MCUR1: variants seen among roughly 807,000 people sequenced by gnomAD.
MCUR1 encodes the protein mitochondrial calcium uniporter regulator 1, also known as MCU regulator 1.
MCUR1 carries 37 observed loss-of-function variants against 42.0 expected under a neutral mutation model. The observed-to-expected ratio is 0.88, with a 90% CI of 0.68 to 1.16. MCUR1 has a LOEUF of 1.16. Among genes scored for constraint, MCUR1 ranks in the 50% most tolerant of loss-of-function variants. The pLI, the probability that MCUR1 is intolerant of heterozygous loss-of-function variation, is 0.00. For synonymous variants in MCUR1, 229 were observed against 196.2 expected (o/e 1.17, Z -1.40); for missense variants, 469 against 468.4 (o/e 1.00, Z -0.01).
At chr6:13,798,682 AAAT>A in intron 6 of MCUR1, 148 bp downstream of exon 6, 2 of 460,798 alleles carry the variant, frequency 4.3e-6, no homozygotes, top group Non-Finnish European at 7.3e-6. Context: ...TCTTAATCCA[AAAT>A]TATTATAATA....
intron 5 of MCUR1, among the ~76,000 whole-genome samples, chr6:13,799,827 C>CTTTTTT (rs542304036): frequency 1.9e-4 from 18 of 96,198 alleles, no homozygotes; most frequent in Non-Finnish European, 2.9e-4. Flanking sequence ...ACACAATTTT[C>CTTTTTT]TTTTTTTTTT....
intron 4 of MCUR1, 149 bp from the exon 5 acceptor site, chr6:13,800,531 CG>C: frequency 1.8e-6 from 1 of 556,634 alleles, no homozygotes; most frequent in Non-Finnish European, 3.2e-6. Flanking sequence ...TTACAACACA[CG>C]TATCTTGAAA....
At chr6:13,802,536 G>A (rs1760014360) in intron 2 of MCUR1, among the ~76,000 whole-genome samples, 190 bp from the exon 3 acceptor site, 1 of 152,130 alleles carries the variant, frequency 6.6e-6, no homozygotes, top group African/African-American at 2.4e-5. Context: ...CATACAAGTT[G>A]GCTTCCCCAG....
intron 6 of MCUR1, among the ~76,000 whole-genome samples, 171 bp downstream of exon 6, chr6:13,798,662 C>A (rs1392593441): frequency 6.6e-6 from 1 of 152,048 alleles, no homozygotes; most frequent in Non-Finnish European, 1.5e-5. Context: ...TTGAAAGCAA[C>A]AAATTTAAGT....
chr6:13,813,273 A>C (rs1013964119), intron 1 of MCUR1, among the ~76,000 whole-genome samples: 3 of 152,136 alleles, frequency 2.0e-5, no homozygotes, highest in African/African-American at 7.2e-5. Flanking sequence ...ACTCTAATTA[A>C]ATGCTACCTT....
At chr6:13,793,995 C>A in intron 6 of MCUR1, 48 bp from the exon 7 acceptor site, 1 of 1,547,548 alleles carries the variant, frequency 6.5e-7, no homozygotes, top group South Asian at 1.1e-5. Context: ...ACTCCTCTCT[C>A]TTCTCCTTCT....
rs1018455283 is a variant in MCUR1 at position 13,789,383 on chromosome 6, G to A, written c.*1426C>T. 1 of 151,536 alleles carries A rather than the reference G, an allele frequency of 6.6e-6. No individual in the cohort carries two copies. The highest frequency in any genetic ancestry group is 1.5e-5 in the Non-Finnish European group (1 of 67,990). 9.4% of individuals were successfully genotyped at this position (151,536 alleles called of 1,614,324 possible). ...GACAATGCACTCCAGCCCTGCGACA[G>A]TGCGAGACTCCGTCTCAAAAAAAAA... is the stretch of plus-strand genomic sequence containing the variant. On this transcript the variant is annotated 3_prime_UTR_variant, in exon 9 of 9. Coordinates refer to ENST00000379170, the MANE Select transcript of MCUR1 (RefSeq NM_001031713.4).
At chr6:13,799,659 C>A (rs946888145) in intron 5 of MCUR1, among the ~76,000 whole-genome samples, 10 of 152,066 alleles carry the variant, frequency 6.6e-5, no homozygotes, top group African/African-American at 2.4e-4. Context: ...TCTTTAACAT[C>A]TATGTTTTTT....
At chr6:13,802,455 T>C (rs1760012249) in intron 2 of MCUR1, 109 bp from the exon 3 acceptor site, 8 of 795,906 alleles carry the variant, frequency 1.0e-5, no homozygotes, top group South Asian at 1.0e-4. Flanking sequence ...TACAGCACAG[T>C]GTGGTAGGAG....
intron 1 of MCUR1, among the ~76,000 whole-genome samples, chr6:13,811,336 G>A (rs929511558): frequency 2.6e-5 from 4 of 151,986 alleles, no homozygotes; most frequent in Non-Finnish European, 5.9e-5. Context: ...AGCAGGCTAG[G>A]AATAATTTTT....
rs1230277901 is a variant in MCUR1, at chr6:13,790,037, A to G, written c.*772T>C. 6.6e-6 allele frequency: 1 copy of G among 152,256 alleles called. No individual in the cohort carries two copies. Among genetic ancestry groups the G allele is most frequent in the Non-Finnish European group, 1.5e-5 (1 of 68,048 alleles). 9.4% of individuals were successfully genotyped at this position (152,256 alleles called of 1,614,324 possible). A position where few individuals can be genotyped will look rare whatever the true frequency, so the allele number is the denominator to read the frequency against. On this transcript the variant is annotated 3_prime_UTR_variant, in exon 9 of 9. Transcript: ENST00000379170. The stretch of plus-strand genomic sequence containing the variant: ...AACCAACTACAGCTGAAACAATACT[A>G]TGGTACAGGGACTAGCTCATGTTAA...
At chr6:13,799,838 T>C (rs1163770837) in intron 5 of MCUR1, among the ~76,000 whole-genome samples, 4 of 143,176 alleles carry the variant, frequency 2.8e-5, no homozygotes, top group Non-Finnish European at 6.0e-5. Flanking sequence ...TTTTTTTTTT[T>C]TTTTTTTTTT....
intron 4 of MCUR1, among the ~76,000 whole-genome samples, chr6:13,801,074 C>T (rs1421737235): frequency 6.6e-6 from 1 of 152,126 alleles, no homozygotes; most frequent in Non-Finnish European, 1.5e-5. Flanking sequence ...TGTTATCAGC[C>T]AGGACAGCGT....
chr6:13,792,369 G>C (rs1759750017), intron 7 of MCUR1, among the ~76,000 whole-genome samples: 1 of 152,170 alleles, frequency 6.6e-6, no homozygotes, highest in African/African-American at 2.4e-5. Context: ...AAAGGCAACG[G>C]CTACGTCTCA....
At chr6:13,794,019 T>C (rs1486888989) in intron 6 of MCUR1, 72 bp from the exon 7 acceptor site, 1 of 1,419,966 alleles carries the variant, frequency 7.0e-7, no homozygotes, top group East Asian at 2.3e-5. Context: ...GTGCCTTAAA[T>C]ATTCTGGTCT....
intron 6 of MCUR1, among the ~76,000 whole-genome samples, chr6:13,796,200 A>G (rs974487561): frequency 1.1e-4 from 16 of 152,218 alleles, no homozygotes; most frequent in African/African-American, 3.4e-4. Context: ...TACTTTTCTT[A>G]TAAGAACACT....
At position 13,814,497 on chromosome 6, in the gene MCUR1, C is replaced by A. The variant is rs1396780990; in HGVS notation, c.-68G>T. The A allele has an allele frequency of 2.5e-5, 34 of 1,377,780 alleles. No individual in the cohort carries two copies. The highest frequency in any genetic ancestry group is 3.1e-5 in the Non-Finnish European group (33 of 1,070,644). 85.3% of individuals were successfully genotyped at this position (1,377,780 alleles called of 1,614,324 possible). On this transcript the variant is annotated 5_prime_UTR_variant, in exon 1 of 9. Coordinates refer to ENST00000379170, the MANE Select transcript of MCUR1 (RefSeq NM_001031713.4). ...GCTTTTGGCGCCGGCCACGCGCGGT[C>A]CAGGCCCAGAGTCCGACAGCGGGAG...
chr6:13,801,574 GC>G (rs1237484031), intron 3 of MCUR1, among the ~76,000 whole-genome samples, 185 bp from the exon 4 acceptor site: 1 of 152,160 alleles, frequency 6.6e-6, no homozygotes, highest in Non-Finnish European at 1.5e-5. Flanking sequence ...ATCTGGCCAG[GC>G]AAGGTGGCTC....
intron 3 of MCUR1, among the ~76,000 whole-genome samples, chr6:13,801,781 TCAA>T (rs1459443333): frequency 5.3e-5 from 8 of 151,936 alleles, no homozygotes; most frequent in African/African-American, 1.7e-4. Flanking sequence ...ACCCAGGAGG[TCAA>T]CGAGGCTGCA....
Sources: gnomAD v4.1 joint callset for allele counts (sites outside exome capture counted in the v4.1 genomes callset) on GRCh38, gnomAD v4.1.1 for gene constraint, MANE v1.5 for transcripts, NCBI Gene and HGNC (gene_info 2026-07-23, HGNC 2026-07-21) for gene names.